Variants in ADAM22 observed in about 807,000 individuals in gnomAD.
The protein encoded by ADAM22 is ADAM metallopeptidase domain 22.
Under a neutral mutation model 144.6 loss-of-function variants are expected in ADAM22, and 65 were observed. That is an observed-to-expected ratio of 0.45 (90% CI 0.37 to 0.55). The LOEUF is 0.55. Among genes scored for constraint, ADAM22 ranks in the 20% least tolerant of loss-of-function variants. The pLI, the probability that ADAM22 is intolerant of heterozygous loss-of-function variation, is 0.00. For missense variants in ADAM22, 974 were observed against 1,184.9 expected (o/e 0.82, Z 2.61); for synonymous variants, 391 against 412.6 (o/e 0.95, Z 0.63).
intron 3 of ADAM22, among the ~76,000 whole-genome samples, chr7:88,051,344 A>G (rs931036195): frequency 7.9e-5 from 12 of 152,212 alleles, no homozygotes; most frequent in Admixed American, 1.3e-4. Flanking sequence ...AATGTGGCAC[A>G]TATACACCAT....
At chr7:88,086,253 A>ACG (rs1309295096) in intron 4 of ADAM22, among the ~76,000 whole-genome samples, 2 of 152,198 alleles carry the variant, frequency 1.3e-5, no homozygotes, top group Non-Finnish European at 2.9e-5. Context: ...TTGTTGAAGA[A>ACG]ACCAGATTGT....
intron 4 of ADAM22, among the ~76,000 whole-genome samples, chr7:88,098,446 G>A (rs1458417653): frequency 6.6e-6 from 1 of 151,954 alleles, no homozygotes; most frequent in Admixed American, 6.6e-5. Context: ...CAAAATTCAC[G>A]ACTCCTAGAA....
At chr7:88,174,694 T>G in intron 26 of ADAM22, among the ~76,000 whole-genome samples, 1 of 151,796 alleles carries the variant, frequency 6.6e-6, no homozygotes, top group South Asian at 2.1e-4. Context: ...TCTTCCTTTG[T>G]CTGAGATGAA....
intron 3 of ADAM22, among the ~76,000 whole-genome samples, chr7:88,074,095 G>C (rs1212197696): frequency 6.6e-6 from 1 of 152,174 alleles, no homozygotes; most frequent in Non-Finnish European, 1.5e-5. Flanking sequence ...GGGATGCTAA[G>C]TGTGCTACAG....
At chr7:87,964,335 A>G (rs575608966) in intron 2 of ADAM22, among the ~76,000 whole-genome samples, 1 of 152,280 alleles carries the variant, frequency 6.6e-6, no homozygotes, top group African/African-American at 2.4e-5. Flanking sequence ...GTCTCCTAAT[A>G]ATGGTATCTC....
intron 5 of ADAM22, among the ~76,000 whole-genome samples, chr7:88,110,261 C>T (rs1825646531): frequency 1.3e-5 from 2 of 152,124 alleles, no homozygotes; most frequent in Admixed American, 1.3e-4. Context: ...TCAAGACAAG[C>T]ACATCTGTCA....
At position 88,085,044 on chromosome 7, in the gene ADAM22, C is replaced by T. The variant is rs77348993; in HGVS notation, c.390+9352C>T. ...CAACCTAATAACCCTGTTTTAACTG[C>T]GTTACCTCTTTAGAGACCCTGTCTC... On this transcript the variant is annotated intron_variant, in intron 4 of 31. Coordinates refer to ENST00000413139, the MANE Select transcript of ADAM22 (RefSeq NM_001324418.2). Among the ~76,000 whole-genome samples, 789 of 152,262 alleles carry T rather than the reference C, an allele frequency of 5.2e-3. 7 individuals are homozygous for T. The highest frequency in any genetic ancestry group is 0.017 in the African/African-American group (723 of 41,552).
At chr7:87,938,754 A>G (rs1841882797) in intron 2 of ADAM22, among the ~76,000 whole-genome samples, 2 of 151,992 alleles carry the variant, frequency 1.3e-5, no homozygotes, top group African/African-American at 4.8e-5. Context: ...GGTTCAAGCG[A>G]TTCTCCTGCC....
intron 14 of ADAM22, among the ~76,000 whole-genome samples, chr7:88,142,047 T>A (rs992220192): frequency 1.7e-4 from 26 of 152,134 alleles, no homozygotes; most frequent in African/African-American, 2.9e-4. Flanking sequence ...TACATTTTTT[T>A]AAAAAAAACC....
chr7:88,120,597 A>G (rs1585913265), intron 7 of ADAM22, among the ~76,000 whole-genome samples: 1 of 152,162 alleles, frequency 6.6e-6, no homozygotes, highest in Non-Finnish European at 1.5e-5. Flanking sequence ...GATGTGTAGT[A>G]TATACTTACT....
In ADAM22 at chr7:88,163,189, C is replaced by CA; in HGVS notation, c.2076+9_2076+10insA. On this transcript the variant is annotated intron_variant, in intron 23 of 31. Coordinates refer to ENST00000413139, the MANE Select transcript of ADAM22 (RefSeq NM_001324418.2). ...TTTGCTCAGGAAATGGAGTAAGTATCCAGTACCTTGTCAGAATCTATTTCT... is the reference window on the plus strand; with the variant it reads ...TTTGCTCAGGAAATGGAGTAAGTATCACAGTACCTTGTCAGAATCTATTTCT... 6.3e-7 allele frequency: 1 copy of CA among 1,580,720 alleles called. No homozygotes were observed. Among genetic ancestry groups the CA allele is most frequent in the Non-Finnish European group, 8.6e-7 (1 of 1,166,710 alleles).
intron 4 of ADAM22, among the ~76,000 whole-genome samples, chr7:88,098,433 C>T (rs1248222912): frequency 2.6e-5 from 4 of 152,040 alleles, no homozygotes; most frequent in Non-Finnish European, 5.9e-5. Flanking sequence ...GAATAGTGTT[C>T]CCCAAAATTC....
chr7:88,191,320 A>G (rs1342892918), intron 30 of ADAM22, among the ~76,000 whole-genome samples: 1 of 152,250 alleles, frequency 6.6e-6, no homozygotes, highest in African/African-American at 2.4e-5. Flanking sequence ...AATGACTGTG[A>G]AGCTAAAAGC....
At chr7:88,108,487 G>C (rs191861793) in intron 5 of ADAM22, among the ~76,000 whole-genome samples, 3 of 151,942 alleles carry the variant, frequency 2.0e-5, no homozygotes, top group African/African-American at 2.4e-5. Flanking sequence ...CAGCACTTTG[G>C]GGGGGTCTAG....
intron 4 of ADAM22, among the ~76,000 whole-genome samples, chr7:88,092,613 G>T (rs10238083): frequency 5.3e-5 from 8 of 152,076 alleles, no homozygotes; most frequent in Admixed American, 3.3e-4. Context: ...GAAGGTCTCA[G>T]ATTTCATGAT....
intron 8 of ADAM22, among the ~76,000 whole-genome samples, chr7:88,126,098 C>T (rs1213029229): frequency 6.6e-6 from 1 of 151,954 alleles, no homozygotes; most frequent in Admixed American, 6.6e-5. Flanking sequence ...ACTTTGGAGT[C>T]CAGGATATAA....
chr7:88,124,176 CT>C (rs1055503006), intron 7 of ADAM22, among the ~76,000 whole-genome samples: 22 of 150,990 alleles, frequency 1.5e-4, no homozygotes, highest in Admixed American at 1.1e-3. Flanking sequence ...ATTCTGTTTA[CT>C]TTTTTTTTCT....
At chr7:88,189,816 C>G (rs933117319) in intron 30 of ADAM22, among the ~76,000 whole-genome samples, 1 of 151,942 alleles carries the variant, frequency 6.6e-6, no homozygotes, top group Admixed American at 6.6e-5. Context: ...TGGTGGTGTG[C>G]GCTTGTAATC....
chr7:88,048,558 G>A (rs1056349661), intron 3 of ADAM22, among the ~76,000 whole-genome samples: 1 of 151,952 alleles, frequency 6.6e-6, no homozygotes, highest in Non-Finnish European at 1.5e-5. Context: ...CTTTGATTCT[G>A]GAAAGATTGA....
Sources: gnomAD v4.1 joint callset for allele counts (sites outside exome capture counted in the v4.1 genomes callset) on GRCh38, gnomAD v4.1.1 for gene constraint, MANE v1.5 for transcripts, NCBI Gene and HGNC (gene_info 2026-07-23, HGNC 2026-07-21) for gene names.